Variants in CFAP70 observed in about 807,000 individuals in gnomAD.
CFAP70 encodes the protein cilia and flagella associated protein 70, also known as cilia- and flagella-associated protein 70.
In CFAP70, 81 loss-of-function variants were observed where a neutral mutation model predicts 137.6. The observed-to-expected ratio is 0.59, with a 90% CI of 0.49 to 0.71. CFAP70 has a LOEUF of 0.71. Ranked by LOEUF, CFAP70 falls within the 30% of genes least tolerant of loss-of-function variation. The pLI is 0.00. For missense variants in CFAP70, 976 were observed against 1,226.7 expected, an observed-to-expected ratio of 0.80 and a Z score of 3.05; for synonymous variants, 382 against 423.6, an observed-to-expected ratio of 0.90 and a Z score of 1.20.
chr10:73,288,723 A>G (rs916951232), intron 19 of CFAP70, among the ~76,000 whole-genome samples: 1 of 152,218 alleles, frequency 6.6e-6, no homozygotes, highest in Non-Finnish European at 1.5e-5. Flanking sequence ...AGGGTATGGC[A>G]TATGACTTCT....
chr10:73,298,909 T>C, exon 14 of CFAP70: 1 of 1,613,792 alleles, frequency 6.2e-7, no homozygotes. Context: ...TGTTTTACCT[T>C]GAGTTGTTCT....
intron 24 of CFAP70, among the ~76,000 whole-genome samples, chr10:73,269,983 C>T (rs1054433068): frequency 2.0e-5 from 3 of 152,172 alleles, no homozygotes; most frequent in Admixed American, 6.5e-5. Context: ...CCCTCTACAG[C>T]GGTCCCATCA....
At chr10:73,280,484 A>T (rs1188578059) in intron 19 of CFAP70, among the ~76,000 whole-genome samples, 1 of 152,128 alleles carries the variant, frequency 6.6e-6, no homozygotes, top group East Asian at 1.9e-4. Flanking sequence ...TTTTTTGAAC[A>T]TGTGGTATGA....
At chr10:73,292,603 CG>C (rs1394014953) in intron 16 of CFAP70, among the ~76,000 whole-genome samples, 2 of 152,018 alleles carry the variant, frequency 1.3e-5, no homozygotes, top group Non-Finnish European at 2.9e-5. Context: ...ACAGAATTAC[CG>C]TATGTCTCAG....
intron 9 of CFAP70, 79 bp downstream of exon 10, chr10:73,322,884 A>G: frequency 7.9e-7 from 1 of 1,270,366 alleles, no homozygotes; most frequent in Non-Finnish European, 1.1e-6. Context: ...AGTTGCAAAG[A>G]TGTATATGCT....
chr10:73,257,651 G>A (rs1333128681), intron 25 of CFAP70, among the ~76,000 whole-genome samples: 1 of 152,102 alleles, frequency 6.6e-6, no homozygotes, highest in Non-Finnish European at 1.5e-5. Context: ...TCTACACTTT[G>A]AAATGTTCCC....
chr10:73,300,350 A>T (rs1564807576), intron 12 of CFAP70, among the ~76,000 whole-genome samples: 1 of 152,150 alleles, frequency 6.6e-6, no homozygotes, highest in African/African-American at 2.4e-5. Flanking sequence ...GAAGTCCACA[A>T]TCAAACTCAC....
chr10:73,292,014 T>G, exon 17 of CFAP70: 1 of 1,614,016 alleles, frequency 6.2e-7, no homozygotes, highest in Non-Finnish European at 8.5e-7. Context: ...CGGACCAATC[T>G]CTAAGCATCA....
At chr10:73,319,302 T>G (rs1214212444) in intron 9 of CFAP70, among the ~76,000 whole-genome samples, 1 of 152,190 alleles carries the variant, frequency 6.6e-6, no homozygotes, top group East Asian at 1.9e-4. Flanking sequence ...AAGACTCAAC[T>G]ATATGGTCCT....
At chr10:73,327,544 A>C (rs1265559732) in intron 8 of CFAP70, among the ~76,000 whole-genome samples, 3 of 151,892 alleles carry the variant, frequency 2.0e-5, no homozygotes, top group Admixed American at 6.6e-5. Context: ...GAGGAAGTCA[A>C]ATTGTCCCTG....
chr10:73,294,374 C>G (rs140305177), intron 15 of CFAP70: 12 of 152,386 alleles, frequency 7.9e-5, no homozygotes, highest in African/African-American at 2.9e-4. Flanking sequence ...ATAACCCACT[C>G]AGGCTACTTT....
At chr10:73,346,091 G>A (rs2053677568) in intron 4 of CFAP70, among the ~76,000 whole-genome samples, 1 of 151,382 alleles carries the variant, frequency 6.6e-6, no homozygotes, top group South Asian at 2.1e-4. Context: ...TAGAGACGGG[G>A]TTTCAACATA....
At chr10:73,340,723 C>A (rs150165137) in intron 6 of CFAP70, among the ~76,000 whole-genome samples, 1 of 152,322 alleles carries the variant, frequency 6.6e-6, no homozygotes, top group Non-Finnish European at 1.5e-5. Flanking sequence ...TCAGCACTTC[C>A]CTGAGCACAT....
At chr10:73,313,374 A>T (rs1465608878) in intron 9 of CFAP70, among the ~76,000 whole-genome samples, 1 of 123,836 alleles carries the variant, frequency 8.1e-6, no homozygotes, top group African/African-American at 3.4e-5. Context: ...TCTGTCTCAA[A>T]AAAAAAAAAA....
At chr10:73,339,933 CCT>C (rs2132400130) in intron 6 of CFAP70, among the ~76,000 whole-genome samples, 1 of 152,336 alleles carries the variant, frequency 6.6e-6, no homozygotes, top group South Asian at 2.1e-4. Flanking sequence ...ATGTTTCAGC[CCT>C]GTTTGTGTTA....
intron 10 of CFAP70, 85 bp downstream of exon 11, chr10:73,312,388 T>C (rs1029022216): frequency 1.6e-5 from 16 of 1,006,570 alleles, no homozygotes; most frequent in African/African-American, 8.3e-5. Context: ...CAAACTAACA[T>C]TGATACCAGT....
At chr10:73,330,457 A>G (rs930584194) in intron 8 of CFAP70, among the ~76,000 whole-genome samples, 9 of 151,916 alleles carry the variant, frequency 5.9e-5, no homozygotes, top group Non-Finnish European at 8.8e-5. Context: ...CACAAAAAAA[A>G]AAAAAAAAAA....
At chr10:73,318,951 T>C (rs1184563950) in intron 9 of CFAP70, among the ~76,000 whole-genome samples, 1 of 152,224 alleles carries the variant, frequency 6.6e-6, no homozygotes, top group African/African-American at 2.4e-5. Flanking sequence ...TGAATGAAAG[T>C]TGTTTTACTG....
intron 6 of CFAP70, among the ~76,000 whole-genome samples, chr10:73,337,441 G>A (rs1044213021): frequency 2.6e-5 from 4 of 152,168 alleles, no homozygotes; most frequent in Admixed American, 6.5e-5. Flanking sequence ...CTGAGATAGC[G>A]CCATTGCACT....
Sources: gnomAD v4.1 joint callset for allele counts (sites outside exome capture counted in the v4.1 genomes callset) on GRCh38, gnomAD v4.1.1 for gene constraint, MANE v1.5 for transcripts, NCBI Gene and HGNC (gene_info 2026-07-23, HGNC 2026-07-21) for gene names.